Variants in CCDC68 observed in about 807,000 individuals in gnomAD.
The protein encoded by CCDC68 is coiled-coil domain containing 68.
Under a neutral mutation model 47.1 loss-of-function variants are expected in CCDC68, and 45 were observed. That is an observed-to-expected ratio of 0.96 (90% CI 0.75 to 1.23). CCDC68 has a LOEUF of 1.23. Among genes scored for constraint, CCDC68 ranks in the 50% most tolerant of loss-of-function variants. The pLI is 0.00. For missense variants in CCDC68, 353 were observed against 373.6 expected (o/e 0.94, Z 0.45); for synonymous variants, 131 against 129.5 (o/e 1.01, Z -0.08).
intron 1 of CCDC68, among the ~76,000 whole-genome samples, chr18:54,948,095 T>G (rs2044555793): frequency 6.6e-6 from 1 of 152,144 alleles, no homozygotes; most frequent in Non-Finnish European, 1.5e-5. Context: ...TGTGATGGGT[T>G]GAATTGTGTC....
intron 5 of CCDC68, 85 bp from the exon 6 acceptor site, chr18:54,937,043 C>T: frequency 2.3e-6 from 3 of 1,298,198 alleles, no homozygotes; most frequent in Non-Finnish European, 2.2e-6. Flanking sequence ...ATTAAGAACA[C>T]CAAAGGTATA....
chr18:54,911,290 A>G (rs1599026548), intron 10 of CCDC68, among the ~76,000 whole-genome samples: 1 of 151,984 alleles, frequency 6.6e-6, no homozygotes, highest in South Asian at 2.1e-4. Flanking sequence ...CCCTCCAGTG[A>G]CCCGCCCGCC....
At chr18:54,932,725 A>C (rs1212155561) in intron 7 of CCDC68, among the ~76,000 whole-genome samples, 1 of 152,144 alleles carries the variant, frequency 6.6e-6, no homozygotes, top group Non-Finnish European at 1.5e-5. Flanking sequence ...ATAGGCCATC[A>C]CTTCCCAAGA....
intron 8 of CCDC68, 97 bp from the exon 9 acceptor site, chr18:54,919,473 A>G (rs2044016244): frequency 3.1e-6 from 3 of 975,980 alleles, no homozygotes; most frequent in Admixed American, 3.7e-5. Context: ...CTCTACTGCT[A>G]CTGGGGATCA....
At position 54,907,906 on chromosome 18, in the gene CCDC68, T is replaced by G. The variant is rs748519399; in HGVS notation, c.874-44A>C. The G allele has an allele frequency of 2.3e-5, 25 of 1,069,900 alleles. 1 individual carries two copies. Among genetic ancestry groups the G allele is most frequent in the South Asian group, 1.1e-4 (9 of 80,052 alleles). The allele number at this position is 1,069,900 out of a possible 1,614,324, so 66.3% of individuals were successfully genotyped here. On this transcript the variant is annotated intron_variant, in intron 10 of 11. Coordinates refer to ENST00000591504, the MANE Select transcript of CCDC68 (RefSeq NM_025214.3). ...GCAGACGTCAAATAGCTAACACATT[T>G]ATTAGCTACACCCTCAATGCTTCTA...
At chr18:54,931,290 C>A (rs2044256166) in intron 7 of CCDC68, among the ~76,000 whole-genome samples, 1 of 152,084 alleles carries the variant, frequency 6.6e-6, no homozygotes, top group Non-Finnish European at 1.5e-5. Flanking sequence ...TACCAGATAG[C>A]GCTTCTCAGG....
chr18:54,923,444 A>C (rs1055389444), intron 8 of CCDC68, among the ~76,000 whole-genome samples: 1 of 152,000 alleles, frequency 6.6e-6, no homozygotes, highest in Admixed American at 6.6e-5. Context: ...TGTAAGTAAA[A>C]AAAAAAAAAA....
chr18:54,935,093 AC>A (rs2044322064), intron 6 of CCDC68, 145 bp from the exon 7 acceptor site: 1 of 519,386 alleles, frequency 1.9e-6, no homozygotes, highest in African/African-American at 2.0e-5. Flanking sequence ...TTCAGTGTTT[AC>A]TTCAAAATAA....
chr18:54,941,612 T>C (rs902498177), intron 3 of CCDC68, among the ~76,000 whole-genome samples: 1 of 152,144 alleles, frequency 6.6e-6, no homozygotes, highest in Admixed American at 6.6e-5. Flanking sequence ...CACTCAAAGA[T>C]GATGGAATTA....
At chr18:54,936,801 G>A (rs759565916) in intron 6 of CCDC68, 32 bp downstream of exon 6, 8 of 1,613,340 alleles carry the variant, frequency 5.0e-6, no homozygotes, top group Non-Finnish European at 8.5e-7. Context: ...GTGGGGGCTA[G>A]TTCTCCAATA....
chr18:54,928,817 A>G lies in CCDC68; in HGVS notation c.666T>C (p.Ser222=). 6.2e-7 allele frequency: 1 copy of G among 1,610,956 alleles called. No homozygotes were observed. Residue 222 remains serine (S), a synonymous_variant, in exon 8 of 12, where the codon AGT becomes AGC. Coordinates refer to ENST00000591504, the MANE Select transcript of CCDC68 (RefSeq NM_025214.3). ...TCACAAACCTTTTTCCATATGTAGC[A>G]CTGGATTTGAGTTGCAGTAGCTTGT... ...LENKLLQLKS[S]ATYGKSCQDL...
intron 10 of CCDC68, 77 bp from the exon 11 acceptor site, chr18:54,907,939 C>T: frequency 2.4e-6 from 2 of 817,182 alleles, no homozygotes; most frequent in Middle Eastern, 2.5e-4. Context: ...CTATTCAACC[C>T]AACACCTGCC....
At chr18:54,913,450 T>C (rs930162532) in intron 10 of CCDC68, among the ~76,000 whole-genome samples, 1 of 152,198 alleles carries the variant, frequency 6.6e-6, no homozygotes, top group African/African-American at 2.4e-5. Context: ...CCCCTGCACA[T>C]TTTATTCTAG....
At chr18:54,930,403 G>A (rs943253474) in intron 7 of CCDC68, among the ~76,000 whole-genome samples, 1 of 152,100 alleles carries the variant, frequency 6.6e-6, no homozygotes, top group Non-Finnish European at 1.5e-5. Context: ...AGGCTTCCTG[G>A]CACATATTTG....
intron 7 of CCDC68, among the ~76,000 whole-genome samples, chr18:54,932,366 T>G (rs373770400): frequency 1.1e-3 from 170 of 152,062 alleles, no homozygotes; most frequent in African/African-American, 3.6e-3. Context: ...TGAATTTTTT[T>G]TTTTAGGAGA....
chr18:54,946,637 T>A (rs2044532753), intron 1 of CCDC68, among the ~76,000 whole-genome samples: 1 of 152,224 alleles, frequency 6.6e-6, no homozygotes, highest in African/African-American at 2.4e-5. Context: ...ATGTCTTTTA[T>A]CCTAAAATAT....
At position 54,918,162 on chromosome 18, in the gene CCDC68, G is replaced by A. The variant is rs77214013; in HGVS notation, c.790-166C>T. ...CTCAGCAGGCAACAGAAAATAGCAG[G>A]CCAAACTGACACCTGGGGCTGAAAG... On this transcript the variant is annotated intron_variant, in intron 9 of 11. Coordinates refer to ENST00000591504, the MANE Select transcript of CCDC68 (RefSeq NM_025214.3). Among the ~76,000 whole-genome samples, 427 of 152,296 alleles carry A rather than the reference G, an allele frequency of 2.8e-3. 7 individuals carry two copies. The highest frequency in any genetic ancestry group is 9.5e-3 in the African/African-American group (396 of 41,576).
chr18:54,914,626 A>AAAAAAAG (rs751657637), intron 10 of CCDC68, among the ~76,000 whole-genome samples: 1 of 152,046 alleles, frequency 6.6e-6, no homozygotes, highest in African/African-American at 2.4e-5. Flanking sequence ...ACTCCATCTC[A>AAAAAAAG]AAAAAAGAAA....
At chr18:54,934,984 T>A (rs368301311) in intron 6 of CCDC68, 36 bp from the exon 7 acceptor site, 18 of 1,499,394 alleles carry the variant, frequency 1.2e-5, no homozygotes, top group Non-Finnish European at 1.6e-5. Flanking sequence ...GTGAAAACTC[T>A]GTTTTTCTTA....
Sources: gnomAD v4.1 joint callset for allele counts (sites outside exome capture counted in the v4.1 genomes callset) on GRCh38, gnomAD v4.1.1 for gene constraint, MANE v1.5 for transcripts, NCBI Gene and HGNC (gene_info 2026-07-23, HGNC 2026-07-21) for gene names.